GJB6: variants seen among roughly 807,000 people sequenced by gnomAD.
GJB6 encodes the protein gap junction beta-6 protein.
GJB6 carries 5 observed loss-of-function variants against 5.4 expected under a neutral mutation model. The observed-to-expected ratio is 0.92, with a 90% confidence interval of 0.48 to 1.93. GJB6 has a LOEUF of 1.93. Among genes scored for constraint, GJB6 ranks in the 30% most tolerant of loss-of-function variants. GJB6 has a pLI of 0.01. For synonymous variants in GJB6, 136 were observed against 129.6 expected (o/e 1.05, Z -0.34); for missense variants, 298 against 326.9 (o/e 0.91, Z 0.68).
At chr13:20,227,752 C>T (rs1485816257) in intron 4 of GJB6, among the ~76,000 whole-genome samples, 1 of 152,224 alleles carries the variant, frequency 6.6e-6, no homozygotes, top group African/African-American at 2.4e-5. Flanking sequence ...GGTGATGGGT[C>T]AGCTGCGGGT....
intron 4 of GJB6, chr13:20,225,224 T>C (rs1377920318): frequency 6.6e-6 from 1 of 152,182 alleles, no homozygotes; most frequent in Admixed American, 6.5e-5. Flanking sequence ...CATTCTACTT[T>C]CTGCATCTAT....
In GJB6 at chr13:20,223,761, C is replaced by G. The variant is rs145073086; in HGVS notation, c.-15-266G>C. On this transcript the variant is annotated intron_variant, in intron 4 of 4. Transcript: ENST00000647029. ...CGGGCAGATCATGAGGTCAGGAGAT[C>G]GAGACCATCCTGGCTAACAAGGTAA... 6.9e-3 allele frequency among the ~76,000 whole-genome samples: 1,042 copies of G among 152,024 alleles called. 15 individuals are homozygous for G. Among genetic ancestry groups the G allele is most frequent in the African/African-American group, 0.023 (966 of 41,456 alleles).
chr13:20,222,594 TA>T lies in GJB6; in HGVS notation c.*100del. 1.1e-6 allele frequency: 1 copy of T among 950,970 alleles called. No homozygotes were observed. The highest frequency in any genetic ancestry group is 1.8e-5 in the Admixed American group (1 of 55,428). The allele number at this position is 950,970 out of a possible 1,614,324, so 58.9% of individuals were successfully genotyped here. A position where few individuals can be genotyped will look rare whatever the true frequency, so the allele number is the denominator to read the frequency against. On this transcript the variant is annotated 3_prime_UTR_variant, in exon 5 of 5. Coordinates refer to ENST00000647029, the MANE Select transcript of GJB6 (RefSeq NM_001110219.3). ...GTGTCTATTTATTATGAAAGTCATT[TA>T]CAAACTCTTCAGGCTACAGAAGGAA...
At chr13:20,223,640 G>A (rs1006520521) in intron 4 of GJB6, 145 bp from the exon 5 acceptor site, 1 of 736,032 alleles carries the variant, frequency 1.4e-6, no homozygotes, top group African/African-American at 1.7e-5. Context: ...CTAGTCTGAG[G>A]TTTTCTGAAA....
At chr13:20,230,050 C>T (rs1869979180) in intron 3 of GJB6, 1 of 152,064 alleles carries the variant, frequency 6.6e-6, no homozygotes, top group Admixed American at 6.5e-5. Flanking sequence ...GAGACACTGG[C>T]TACACCCTGA....
rs575963681 is a variant in GJB6 at position 20,223,271 on chromosome 13, C to T, written c.210G>A (p.Pro70=). 1.6e-5 allele frequency: 25 copies of T among 1,611,992 alleles called. No homozygotes were observed. The highest frequency in any genetic ancestry group is 8.0e-5 in the African/African-American group (6 of 74,998). ...CKNVCYDHFF[P]VSHIRLWALQ... is the part of the protein sequence containing the mutation. ...GGGCCCACAGCCGGATGTGGGACACCGGGAAAAAGTGGTCATAGCACACAT... is the reference window on the plus strand; with the variant it reads ...GGGCCCACAGCCGGATGTGGGACACTGGGAAAAAGTGGTCATAGCACACAT... The change falls in exon 5 of 5, where the codon CCG becomes CCA. Residue 70 remains proline, a synonymous_variant. Transcript: ENST00000647029.
rs577832858 is a variant in GJB6, at chr13:20,222,795, T to G, written c.686A>C (p.Lys229Thr). Residue 229 changes from lysine to threonine, a missense_variant, in exon 5 of 5, where the codon AAA (lysine) becomes ACA (threonine). Physicochemically the swap from Lys to Thr is moderately conservative, Grantham distance 78 (BLOSUM62 -1). Coordinates refer to ENST00000647029, the MANE Select transcript of GJB6 (RefSeq NM_001110219.3). ...CTTTAGGGCATGATTGGGGTGATTT[T>G]TTTGCGTCTGTGCTCTCTTTGATCT... ...FRRSKRAQTQ[K>T]NHPNHALKES... The G allele has an allele frequency of 6.2e-7, 1 of 1,614,092 alleles. No homozygotes were observed. Among genetic ancestry groups the G allele is most frequent in the South Asian group, 1.1e-5 (1 of 91,090 alleles).
chr13:20,228,425 A>G (rs1869741885), intron 4 of GJB6, among the ~76,000 whole-genome samples: 1 of 152,190 alleles, frequency 6.6e-6, no homozygotes. Context: ...TAGTAAATGT[A>G]ATCATAGTGA....
chr13:20,227,299 T>C (rs940108403), intron 4 of GJB6, among the ~76,000 whole-genome samples: 1 of 152,116 alleles, frequency 6.6e-6, no homozygotes, highest in Non-Finnish European at 1.5e-5. Flanking sequence ...ATACCGGTAC[T>C]AAAAATTGGC....
rs1194700970 is a variant in GJB6 at position 20,222,937 on chromosome 13, T to C, written c.544A>G (p.Ile182Val). The C allele has an allele frequency of 9.9e-6, 16 of 1,614,070 alleles. No individual in the cohort carries two copies. The highest frequency in any genetic ancestry group is 1.4e-5 in the Non-Finnish European group (16 of 1,180,002). The change falls in exon 5 of 5, where the codon ATT becomes GTT. Residue 182 changes from isoleucine to valine, a missense_variant. Physicochemically the swap from Ile to Val is conservative, Grantham distance 29. Transcript: ENST00000647029. ...ACGGTCTTCTCTGTTGGCCTAGAAA[T>C]AAAGCAGTCAACAAGGTTGGGGCAG... ...DPCPNLVDCF[I>V]SRPTEKTVFT...
At position 20,222,873 on chromosome 13, in the gene GJB6, A is replaced by G; in HGVS notation, c.608T>C (p.Met203Thr). Residue 203 changes from methionine to threonine, a missense_variant, in exon 5 of 5, where the codon ATG becomes ACG. Coordinates refer to ENST00000647029, the MANE Select transcript of GJB6 (RefSeq NM_001110219.3). ...IFMISASVIC[M>T]LLNVAELCYL... ...GCACAACTCTGCCACGTTAAGCAGC[A>G]TGCAAATCACAGACGCAGAAATCAT... 2 of 1,614,196 alleles carry G rather than the reference A, an allele frequency of 1.2e-6. No individual in the cohort carries two copies. Among genetic ancestry groups the G allele is most frequent in the Non-Finnish European group, 1.7e-6 (2 of 1,180,032 alleles).
chr13:20,228,706 G>T lies in GJB6; in HGVS notation c.-16+874C>A, dbSNP rs529737035. On this transcript the variant is annotated intron_variant, in intron 4 of 4. Coordinates refer to ENST00000647029, the MANE Select transcript of GJB6 (RefSeq NM_001110219.3). ...TCACCGTGTTAGCCAGGATGGTCTC[G>T]ATCTCCTGACCTCATGATCCGCCCC... is the stretch of plus-strand genomic sequence containing the variant. Among the ~76,000 whole-genome samples, 112 of 149,996 alleles carry T rather than the reference G, an allele frequency of 7.5e-4. 1 individual carries two copies. The highest frequency in any genetic ancestry group is 2.5e-3 in the African/African-American group (101 of 41,006).
intron 4 of GJB6, among the ~76,000 whole-genome samples, chr13:20,224,533 G>A (rs1869445676): frequency 6.6e-6 from 1 of 152,176 alleles, no homozygotes; most frequent in Admixed American, 6.5e-5. Flanking sequence ...CAGCCGAGGA[G>A]GGGATCTGCT....
intron 3 of GJB6, 44 bp from the exon 4 acceptor site, chr13:20,229,793 C>A (rs959884181): frequency 3.0e-4 from 5 of 16,450 alleles, no homozygotes; most frequent in Non-Finnish European, 5.8e-4. Context: ...TCCTTTAACT[C>A]CCCCCCCCCC....
chr13:20,228,401 T>G, intron 4 of GJB6, among the ~76,000 whole-genome samples: 1 of 152,326 alleles, frequency 6.6e-6, no homozygotes, highest in East Asian at 1.9e-4. Context: ...AAAGGTAAAC[T>G]GTGTTCGGTT....
rs571680963 is a variant in GJB6, at chr13:20,227,004, A to G, written c.-16+2576T>C. ...ACAGATCAGGGAGCCAGAGGGGGAC[A>G]TGGCCTGGATGATTCTGAGAGGCTA... On this transcript the variant is annotated intron_variant, in intron 4 of 4. Transcript: ENST00000647029. 3.0e-4 allele frequency among the ~76,000 whole-genome samples: 45 copies of G among 152,264 alleles called. 1 individual carries two copies. The highest frequency in any genetic ancestry group is 1.1e-3 in the African/African-American group (44 of 41,556).
At chr13:20,229,123 C>CAAAAAAA (rs5802041) in intron 4 of GJB6, among the ~76,000 whole-genome samples, 12 of 43,874 alleles carry the variant, frequency 2.7e-4, no homozygotes, top group African/African-American at 9.9e-4. Flanking sequence ...TGTCATTTAG[C>CAAAAAAA]AAAAAAAAAA....
Position 20,222,963 on chromosome 13 carries a change from G to A in GJB6, c.518C>T (p.Pro173Leu), listed in dbSNP as rs200480676. The change falls in exon 5 of 5, where the codon CCC becomes CTC. Residue 173 changes from proline (P) to leucine (L), a missense_variant. By Grantham distance (98) the Pro-to-Leu change is moderately conservative. Transcript: ENST00000647029. ...AAAGCAGTCAACAAGGTTGGGGCAG[G>A]GGTCAATCCCACATTTCAACACCCA... is the stretch of plus-strand genomic sequence containing the variant. ...LPWVLKCGID[P>L]CPNLVDCFIS... 2.4e-5 allele frequency: 39 copies of A among 1,614,120 alleles called. No individual in the cohort carries two copies. The highest frequency in any genetic ancestry group is 4.2e-6 in the Non-Finnish European group (5 of 1,180,010).
At chr13:20,228,619 G>A (rs1216756822) in intron 4 of GJB6, among the ~76,000 whole-genome samples, 1 of 151,138 alleles carries the variant, frequency 6.6e-6, no homozygotes, top group Non-Finnish European at 1.5e-5. Context: ...TGAGCAGCTG[G>A]GACTACAGGC....
Sources: allele counts gnomAD v4.1 joint callset (sites outside exome capture counted in the v4.1 genomes callset), GRCh38; gene constraint gnomAD v4.1.1; transcripts MANE v1.5; gene names NCBI Gene and HGNC (gene_info 2026-07-23, HGNC 2026-07-21).